Variants in L3MBTL4 observed in about 807,000 individuals in gnomAD.
The protein encoded by L3MBTL4 is L3MBTL histone methyl-lysine binding protein 4, also known as lethal(3)malignant brain tumor-like protein 4.
In L3MBTL4, 70 loss-of-function variants were observed where a neutral mutation model predicts 84.5. That is an observed-to-expected ratio of 0.83 (90% CI 0.68 to 1.01). The LOEUF (loss-of-function observed/expected upper bound fraction) is 1.01, where lower values mean the gene tolerates loss of function less well. Ranked by LOEUF, L3MBTL4 falls within the 50% of genes least tolerant of loss-of-function variation. The pLI is 0.00. For synonymous variants in L3MBTL4, 274 were observed against 259.8 expected, an observed-to-expected ratio of 1.05 and a Z score of -0.52; for missense variants, 715 against 754.8, an observed-to-expected ratio of 0.95 and a Z score of 0.62.
chr18:6,199,288 C>T (rs559534271), intron 12 of L3MBTL4, among the ~76,000 whole-genome samples: 2 of 152,332 alleles, frequency 1.3e-5, no homozygotes, highest in Admixed American at 1.3e-4. Context: ...CCTAAAGCTA[C>T]ACCATCCAAC....
chr18:6,034,754 A>G (rs2056032558), intron 16 of L3MBTL4, among the ~76,000 whole-genome samples: 1 of 152,178 alleles, frequency 6.6e-6, no homozygotes. Flanking sequence ...ACTAGTTTAC[A>G]GTCCCACCAA....
intron 4 of L3MBTL4, among the ~76,000 whole-genome samples, chr18:6,292,515 T>C (rs915746243): frequency 9.2e-5 from 14 of 152,178 alleles, no homozygotes; most frequent in African/African-American, 3.4e-4. Flanking sequence ...GGCCTCTTTG[T>C]TACTCAGATA....
intron 14 of L3MBTL4, 113 bp downstream of exon 14, chr18:6,138,081 G>T: frequency 1.7e-6 from 1 of 592,094 alleles, no homozygotes; most frequent in Non-Finnish European, 2.9e-6. Flanking sequence ...AGAGGTGGGA[G>T]TGTCACAGGG....
At chr18:6,372,499 C>T (rs890499356) in intron 1 of L3MBTL4, among the ~76,000 whole-genome samples, 1 of 152,206 alleles carries the variant, frequency 6.6e-6, no homozygotes, top group Non-Finnish European at 1.5e-5. Context: ...CTATAATTCT[C>T]TTCAATATTA....
chr18:6,059,663 A>T (rs757576391), intron 16 of L3MBTL4, among the ~76,000 whole-genome samples: 10 of 152,234 alleles, frequency 6.6e-5, no homozygotes, highest in Admixed American at 2.0e-4. Context: ...GAGGGCACCC[A>T]GACCCCTCCA....
chr18:6,286,328 G>T (rs1029876077), intron 4 of L3MBTL4, among the ~76,000 whole-genome samples: 17 of 151,824 alleles, frequency 1.1e-4, no homozygotes, highest in Non-Finnish European at 2.1e-4. Flanking sequence ...GCTGGGCATG[G>T]TGGCATGCAC....
intron 14 of L3MBTL4, among the ~76,000 whole-genome samples, chr18:6,135,073 C>A (rs2059991515): frequency 1.3e-5 from 2 of 152,332 alleles, no homozygotes; most frequent in South Asian, 4.1e-4. Context: ...CTTCCATACA[C>A]CCACAGGCTC....
At chr18:6,296,460 T>C (rs1346177330) in intron 4 of L3MBTL4, among the ~76,000 whole-genome samples, 1 of 152,164 alleles carries the variant, frequency 6.6e-6, no homozygotes, top group Non-Finnish European at 1.5e-5. Context: ...AAAACCAAAT[T>C]GCCCTAGGAT....
At position 6,380,559 on chromosome 18, in the gene L3MBTL4, T is replaced by C. The variant is rs182358967; in HGVS notation, c.-91+34242A>G. On this transcript the variant is annotated intron_variant, in intron 1 of 18. Coordinates refer to ENST00000317931, the MANE Select transcript of L3MBTL4 (RefSeq NM_001330559.2). ...TTCAAAGAACATCTTTATTTCTGCCTTCATTTCATTATTTACCCAGTAGTC... is the reference window on the plus strand; with the variant it reads ...TTCAAAGAACATCTTTATTTCTGCCCTCATTTCATTATTTACCCAGTAGTC... Among the ~76,000 whole-genome samples the C allele has an allele frequency of 2.7e-3, 411 of 152,324 alleles. 3 individuals carry two copies. Among genetic ancestry groups the C allele is most frequent in the African/African-American group, 9.5e-3 (394 of 41,560 alleles).
At chr18:5,964,930 T>C (rs919765199) in intron 17 of L3MBTL4, among the ~76,000 whole-genome samples, 1 of 152,200 alleles carries the variant, frequency 6.6e-6, no homozygotes, top group Non-Finnish European at 1.5e-5. Context: ...CAAGATGCTT[T>C]GCAATAAGAT....
intron 16 of L3MBTL4, among the ~76,000 whole-genome samples, chr18:5,972,412 TG>T (rs1369970572): frequency 6.6e-6 from 1 of 152,134 alleles, no homozygotes; most frequent in Non-Finnish European, 1.5e-5. Context: ...TGACAGTGTC[TG>T]TCATGCAGGG....
chr18:6,121,799 C>T (rs1389679574), intron 14 of L3MBTL4, among the ~76,000 whole-genome samples: 2 of 151,760 alleles, frequency 1.3e-5, no homozygotes, highest in Non-Finnish European at 2.9e-5. Context: ...ATCATTTCGT[C>T]TTGGCCTTGT....
chr18:6,021,338 TC>T (rs1205208870), intron 16 of L3MBTL4, among the ~76,000 whole-genome samples: 2 of 152,224 alleles, frequency 1.3e-5, no homozygotes, highest in African/African-American at 4.8e-5. Context: ...TTTCCCTTTT[TC>T]AGGGTATTTC....
At chr18:6,092,925 G>T (rs1042019290) in intron 15 of L3MBTL4, among the ~76,000 whole-genome samples, 2 of 152,154 alleles carry the variant, frequency 1.3e-5, no homozygotes, top group Admixed American at 6.5e-5. Context: ...AGGTACATTT[G>T]TATTAAAGAT....
At chr18:6,303,302 G>A (rs1312892644) in intron 3 of L3MBTL4, among the ~76,000 whole-genome samples, 1 of 151,960 alleles carries the variant, frequency 6.6e-6, no homozygotes, top group Non-Finnish European at 1.5e-5. Context: ...TGTATTTTTA[G>A]TAATGATGGG....
chr18:6,102,247 C>G (rs2058857274), intron 14 of L3MBTL4, among the ~76,000 whole-genome samples: 1 of 152,188 alleles, frequency 6.6e-6, no homozygotes, highest in South Asian at 2.1e-4. Context: ...GGCAAGTTAT[C>G]TATTTATTGA....
chr18:6,114,188 C>T (rs1340360274), intron 14 of L3MBTL4, among the ~76,000 whole-genome samples: 1 of 152,160 alleles, frequency 6.6e-6, no homozygotes, highest in Non-Finnish European at 1.5e-5. Context: ...CCTGTGTGTG[C>T]CAATGGCCTC....
chr18:6,393,942 C>T (rs917223184), intron 1 of L3MBTL4, among the ~76,000 whole-genome samples: 4 of 152,140 alleles, frequency 2.6e-5, no homozygotes, highest in Non-Finnish European at 4.4e-5. Context: ...ACCTTCCGCT[C>T]TCCCCTTGCT....
chr18:5,958,935 T>G (rs1424422451), intron 18 of L3MBTL4, among the ~76,000 whole-genome samples: 2 of 152,196 alleles, frequency 1.3e-5, no homozygotes. Flanking sequence ...AAAGCAAGCC[T>G]TGATCATCGC....
Sources: allele counts gnomAD v4.1 joint callset (sites outside exome capture counted in the v4.1 genomes callset), GRCh38; gene constraint gnomAD v4.1.1; transcripts MANE v1.5; gene names NCBI Gene and HGNC (gene_info 2026-07-23, HGNC 2026-07-21).